DNAH11: variants seen among roughly 807,000 people sequenced by gnomAD.
DNAH11 encodes dynein axonemal heavy chain 11, also known as axonemal beta dynein heavy chain 11.
A neutral mutation model predicts 526.0 loss-of-function variants in DNAH11; 442 were observed. The observed-to-expected ratio is 0.84, with a 90% CI of 0.78 to 0.91. DNAH11 has a LOEUF of 0.91. DNAH11 is among the 40% of genes least tolerant of loss of function. The probability of loss-of-function intolerance (pLI) is 0.00; values close to 1 mark genes in which losing one functional copy is unlikely to be tolerated. For synonymous variants in DNAH11, 2,461 were observed against 1,935.9 expected, an observed-to-expected ratio of 1.27 and a Z score of -7.12; for missense variants, 6,989 against 5,448.7, an observed-to-expected ratio of 1.28 and a Z score of -8.90.
Position 21,880,847 on chromosome 7 carries a change from C to G in DNAH11, c.12341C>G (p.Thr4114Ser). The G allele has an allele frequency of 6.2e-7, 1 of 1,613,534 alleles. No individual in the cohort carries two copies. The highest frequency in any genetic ancestry group is 8.5e-7 in the Non-Finnish European group (1 of 1,179,796). ...TATCCTTTTAATCCTGGAGACCTCA[C>G]CATTTGTGCCAGTGTCCTCTACAAC... Reference protein sequence around the residue: ...RSYPFNPGDLTICASVLYNYL... With the variant: ...RSYPFNPGDLSICASVLYNYL... Residue 4114 changes from threonine (T) to serine (S), a missense_variant, in exon 75 of 82, where the codon ACC becomes AGC. Physicochemically the swap from Thr to Ser is moderately conservative, Grantham distance 58. Coordinates refer to ENST00000409508, the MANE Select transcript of DNAH11 (RefSeq NM_001277115.2).
chr7:21,698,659 A>G (rs1304185848), intron 36 of DNAH11, among the ~76,000 whole-genome samples: 2 of 152,158 alleles, frequency 1.3e-5, no homozygotes, highest in East Asian at 3.9e-4. Context: ...ATGCCTTTTT[A>G]TGACTGAGTA....
chr7:21,782,318 G>A (rs1787980924), intron 57 of DNAH11, among the ~76,000 whole-genome samples: 1 of 152,176 alleles, frequency 6.6e-6, no homozygotes, highest in African/African-American at 2.4e-5. Context: ...CTCTTCTCCT[G>A]TTTTATAGGT....
chr7:21,896,234 G>A (rs562559006), intron 79 of DNAH11, among the ~76,000 whole-genome samples: 1 of 152,186 alleles, frequency 6.6e-6, no homozygotes, highest in East Asian at 1.9e-4. Context: ...CTTGTTCTGG[G>A]CTTTTCTTTT....
intron 48 of DNAH11, among the ~76,000 whole-genome samples, chr7:21,740,095 C>T (rs376982039): frequency 1.4e-4 from 21 of 152,240 alleles, no homozygotes; most frequent in African/African-American, 5.1e-4. Flanking sequence ...CAGCTGTTAA[C>T]AGTATCATAT....
chr7:21,660,674 T>G (rs1677860367), intron 30 of DNAH11, among the ~76,000 whole-genome samples: 1 of 75,070 alleles, frequency 1.3e-5, no homozygotes. Flanking sequence ...TTTCTCTATT[T>G]ACTATCTTTT....
intron 51 of DNAH11, among the ~76,000 whole-genome samples, 187 bp from the exon 52 acceptor site, chr7:21,748,393 G>A (rs1786248527): frequency 6.6e-6 from 1 of 152,184 alleles, no homozygotes; most frequent in Admixed American, 6.5e-5. Flanking sequence ...TGAGGCAGGA[G>A]AATCACTTGA....
intron 54 of DNAH11, among the ~76,000 whole-genome samples, chr7:21,752,780 T>A (rs549119042): frequency 6.6e-6 from 1 of 152,354 alleles, no homozygotes; most frequent in East Asian, 1.9e-4. Context: ...TGGCATGATC[T>A]GAGCTCACTG....
At chr7:21,866,717 A>C (rs774046139) in intron 71 of DNAH11, 54 bp downstream of exon 71, 2 of 1,520,188 alleles carry the variant, frequency 1.3e-6, no homozygotes, top group Non-Finnish European at 1.8e-6. Context: ...GAGGAAATGT[A>C]GTCTGAAGAG....
chr7:21,646,266 G>T (rs1484072938), intron 28 of DNAH11, among the ~76,000 whole-genome samples: 3 of 152,120 alleles, frequency 2.0e-5, no homozygotes, highest in African/African-American at 7.2e-5. Flanking sequence ...ACAGGAACTG[G>T]ATTTACCTTC....
chr7:21,706,180 C>T (rs1289562982), intron 39 of DNAH11, among the ~76,000 whole-genome samples: 1 of 151,994 alleles, frequency 6.6e-6, no homozygotes, highest in Non-Finnish European at 1.5e-5. Flanking sequence ...TTACTCGGCA[C>T]AACAATGATA....
intron 30 of DNAH11, among the ~76,000 whole-genome samples, chr7:21,678,163 C>A (rs537458107): frequency 2.0e-5 from 3 of 147,426 alleles, no homozygotes; most frequent in Admixed American, 1.3e-4. Context: ...AGTCATGAAG[C>A]TTTTCCCACT....
intron 9 of DNAH11, among the ~76,000 whole-genome samples, chr7:21,586,220 CT>C (rs1230062187): frequency 6.6e-6 from 1 of 152,136 alleles, no homozygotes; most frequent in Non-Finnish European, 1.5e-5. Context: ...TTCTGGTATT[CT>C]TTCCATTGTG....
intron 30 of DNAH11, among the ~76,000 whole-genome samples, chr7:21,674,736 C>A (rs1463822128): frequency 1.3e-5 from 2 of 152,030 alleles, no homozygotes; most frequent in African/African-American, 2.4e-5. Flanking sequence ...ACATCTCTCT[C>A]CTGAAGCACA....
chr7:21,899,172 T>C (rs549278900), intron 79 of DNAH11, among the ~76,000 whole-genome samples, 164 bp from the exon 80 acceptor site: 2 of 152,312 alleles, frequency 1.3e-5, no homozygotes, highest in African/African-American at 4.8e-5. Flanking sequence ...ACTAGCCCTT[T>C]AAAGGGACAG....
intron 66 of DNAH11, among the ~76,000 whole-genome samples, chr7:21,843,128 G>A (rs148587413): frequency 6.6e-6 from 1 of 152,204 alleles, no homozygotes; most frequent in Non-Finnish European, 1.5e-5. Flanking sequence ...CTGGTAGCTA[G>A]TTGTGACTAG....
rs73683006 is a variant in DNAH11, at chr7:21,895,665, C to A, written c.13049+666C>A. Among the ~76,000 whole-genome samples, 323 of 152,302 alleles carry A rather than the reference C, an allele frequency of 2.1e-3. 3 individuals are homozygous for A. Among genetic ancestry groups the A allele is most frequent in the African/African-American group, 7.2e-3 (301 of 41,558 alleles). On this transcript the variant is annotated intron_variant, in intron 79 of 81. Coordinates refer to ENST00000409508, the MANE Select transcript of DNAH11 (RefSeq NM_001277115.2). ...TCCTGAATCATTATTCCATGAACCT[C>A]AACTATCCCTGTACCATTCCTATTA...
intron 65 of DNAH11, among the ~76,000 whole-genome samples, chr7:21,835,936 A>G (rs1229584981): frequency 6.6e-6 from 1 of 152,092 alleles, no homozygotes; most frequent in African/African-American, 2.4e-5. Flanking sequence ...AAATCAACAT[A>G]CATAAGTCAG....
At chr7:21,669,860 A>G (rs1021699603) in intron 30 of DNAH11, among the ~76,000 whole-genome samples, 1 of 151,980 alleles carries the variant, frequency 6.6e-6, no homozygotes, top group African/African-American at 2.4e-5. Context: ...ATGTGGGTCT[A>G]TTTTCAGATT....
At position 21,711,838 on chromosome 7, in the gene DNAH11, C is replaced by A. The variant is rs1294709894; in HGVS notation, c.6961C>A (p.Pro2321Thr). ...VSRAGILYVNPQDLGWNPYVA... is the reference protein window; with the variant it reads ...VSRAGILYVNTQDLGWNPYVA... ...CAGAGCTGGTATTCTGTATGTGAACCCACAAGATCTGGGCTGGAATCCGTG... is the reference window on the plus strand; with the variant it reads ...CAGAGCTGGTATTCTGTATGTGAACACACAAGATCTGGGCTGGAATCCGTG... Residue 2321 changes from proline (P) to threonine (T), a missense_variant, in exon 42 of 82, where the codon CCA (proline) becomes ACA (threonine). Transcript: ENST00000409508. 1.9e-6 allele frequency: 3 copies of A among 1,613,458 alleles called. No individual in the cohort carries two copies. Among genetic ancestry groups the A allele is most frequent in the Admixed American group, 1.7e-5 (1 of 59,898 alleles).
Sources: gnomAD v4.1 joint callset for allele counts (sites outside exome capture counted in the v4.1 genomes callset) on GRCh38, gnomAD v4.1.1 for gene constraint, MANE v1.5 for transcripts, NCBI Gene and HGNC (gene_info 2026-07-23, HGNC 2026-07-21) for gene names.